NDFIP1: variants seen among roughly 807,000 people sequenced by gnomAD.
The protein encoded by NDFIP1 is NEDD4 family-interacting protein 1.
A neutral mutation model predicts 28.8 loss-of-function variants in NDFIP1; 7 were observed. The observed-to-expected ratio is 0.24, with a 90% CI of 0.14 to 0.46. NDFIP1 has a LOEUF of 0.46. Among genes scored for constraint, NDFIP1 ranks in the 20% least tolerant of loss-of-function variants. The pLI, the probability that NDFIP1 is intolerant of heterozygous loss-of-function variation, is 0.99. For missense variants in NDFIP1, 194 were observed against 269.1 expected (o/e 0.72, Z 1.95); for synonymous variants, 92 against 101.0 (o/e 0.91, Z 0.53).
At chr5:142,121,123 C>T (rs1475908812) in intron 1 of NDFIP1, among the ~76,000 whole-genome samples, 1 of 152,104 alleles carries the variant, frequency 6.6e-6, no homozygotes, top group Non-Finnish European at 1.5e-5. Flanking sequence ...TGGAATATTC[C>T]ATTCTTGGGA....
At chr5:142,124,632 T>G (rs551084639) in intron 1 of NDFIP1, among the ~76,000 whole-genome samples, 1 of 152,238 alleles carries the variant, frequency 6.6e-6, no homozygotes, top group African/African-American at 2.4e-5. Context: ...TGTTATTGTA[T>G]TGACTTTTTA....
chr5:142,142,948 TA>T (rs1206456857), intron 6 of NDFIP1: 1 of 104,782 alleles, frequency 9.5e-6, no homozygotes, highest in Non-Finnish European at 1.9e-5. Flanking sequence ...AAAATATATA[TA>T]TATATATATA....
chr5:142,140,528 T>C (rs1757316930), intron 5 of NDFIP1, 35 bp from the exon 6 acceptor site: 2 of 1,529,168 alleles, frequency 1.3e-6, no homozygotes, highest in Middle Eastern at 3.4e-4. Flanking sequence ...TTGTGTCTGT[T>C]AAGCTGCTAT....
intron 1 of NDFIP1, among the ~76,000 whole-genome samples, chr5:142,114,397 T>C (rs1757045537): frequency 6.6e-6 from 1 of 152,196 alleles, no homozygotes; most frequent in Admixed American, 6.5e-5. Flanking sequence ...TCTTTGTTCA[T>C]TTTTGAATTG....
At chr5:142,142,798 C>A (rs1292674854) in intron 6 of NDFIP1, among the ~76,000 whole-genome samples, 1 of 150,910 alleles carries the variant, frequency 6.6e-6, no homozygotes, top group Non-Finnish European at 1.5e-5. Flanking sequence ...TGTGGTTGCT[C>A]ATGCCTATGA....
At position 142,152,338 on chromosome 5, in the gene NDFIP1, G is replaced by C. The variant is rs1214500168; in HGVS notation, c.*610G>C. The C allele has an allele frequency of 6.6e-6, 1 of 152,274 alleles. No homozygotes were observed. Among genetic ancestry groups the C allele is most frequent in the African/African-American group, 2.4e-5 (1 of 41,410 alleles). 9.4% of individuals were successfully genotyped at this position (152,274 alleles called of 1,614,324 possible). On this transcript the variant is annotated 3_prime_UTR_variant, in exon 8 of 8. Coordinates refer to ENST00000253814, the MANE Select transcript of NDFIP1 (RefSeq NM_030571.4). ...AAATAATAAGCATTAATTTTTTATAGCCTGTATTCACAATTCTGCGGTACC... is the reference window on the plus strand; with the variant it reads ...AAATAATAAGCATTAATTTTTTATACCCTGTATTCACAATTCTGCGGTACC...
chr5:142,123,034 C>A (rs1757136068), intron 1 of NDFIP1, among the ~76,000 whole-genome samples: 1 of 152,148 alleles, frequency 6.6e-6, no homozygotes, highest in South Asian at 2.1e-4. Flanking sequence ...GTAATCTCGG[C>A]TCACTGCAAC....
At position 142,131,894 on chromosome 5, in the gene NDFIP1, A is replaced by G; in HGVS notation, c.150A>G (p.Ala50=). ...PPYSSISAES[A]AYFDYKDESG... ...ACAGCAGCATTTCTGCAGAGAGCGCAGGTAGGTAACAGGGCAAGGTGATCA... is the reference window on the plus strand; with the variant it reads ...ACAGCAGCATTTCTGCAGAGAGCGCGGGTAGGTAACAGGGCAAGGTGATCA... The change falls in exon 2 of 8, where the codon GCA becomes GCG. Residue 50 remains alanine (A), a splice_region_variant and synonymous_variant. Coordinates refer to ENST00000253814, the MANE Select transcript of NDFIP1 (RefSeq NM_030571.4). 1 of 1,594,236 alleles carries G rather than the reference A, an allele frequency of 6.3e-7. No individual in the cohort carries two copies. Among genetic ancestry groups the G allele is most frequent in the Non-Finnish European group, 8.5e-7 (1 of 1,174,230 alleles).
intron 1 of NDFIP1, among the ~76,000 whole-genome samples, chr5:142,127,757 ACCAACCTGG>A (rs1757185264): frequency 6.6e-6 from 1 of 152,100 alleles, no homozygotes; most frequent in South Asian, 2.1e-4. Flanking sequence ...GGAGTTTGGT[ACCAACCTGG>A]CCAACATGGC....
intron 1 of NDFIP1, among the ~76,000 whole-genome samples, 200 bp downstream of exon 1, chr5:142,109,237 G>C (rs1756985988): frequency 6.6e-6 from 1 of 152,146 alleles, no homozygotes; most frequent in Admixed American, 6.5e-5. Context: ...TGCGACCCCA[G>C]GTGGGACTCC....
chr5:142,147,721 TA>T (rs1561605742), intron 7 of NDFIP1, among the ~76,000 whole-genome samples: 1 of 152,240 alleles, frequency 6.6e-6, no homozygotes, highest in African/African-American at 2.4e-5. Context: ...AACTGTCATG[TA>T]CAGTGATTCT....
chr5:142,117,195 A>G (rs1291639553), intron 1 of NDFIP1, among the ~76,000 whole-genome samples: 1 of 151,910 alleles, frequency 6.6e-6, no homozygotes, highest in Non-Finnish European at 1.5e-5. Flanking sequence ...ATAGAGATAT[A>G]AGGGTTTAGG....
intron 1 of NDFIP1, among the ~76,000 whole-genome samples, chr5:142,109,750 G>T (rs910666217): frequency 5.3e-5 from 8 of 152,290 alleles, no homozygotes; most frequent in East Asian, 1.9e-4. Flanking sequence ...GAAATGATTG[G>T]ATCATTTTCT....
In NDFIP1 at chr5:142,153,732, A is replaced by G. The variant is rs1362651115; in HGVS notation, c.*2004A>G. 2.1e-5 allele frequency: 4 copies of G among 188,518 alleles called. No homozygotes were observed. The highest frequency in any genetic ancestry group is 9.4e-5 in the African/African-American group (4 of 42,510). The allele number at this position is 188,518 out of a possible 1,614,324, so 11.7% of individuals were successfully genotyped here. On this transcript the variant is annotated 3_prime_UTR_variant, in exon 8 of 8. Coordinates refer to ENST00000253814, the MANE Select transcript of NDFIP1 (RefSeq NM_030571.4). ...ACAATCTGAATAGATGTGGACACAT[A>G]TAGCAGAGAGAACTATGTAAATTAT...
chr5:142,117,487 C>T lies in NDFIP1; in HGVS notation c.63+8450C>T, dbSNP rs532122051. ...CGATCTCTTGACCTCGTGATCCACC[C>T]GCCTCCATCTCCCAAAGTGCTGGGA... On this transcript the variant is annotated intron_variant, in intron 1 of 7. Transcript: ENST00000253814. Among the ~76,000 whole-genome samples, 12 of 152,104 alleles carry T rather than the reference C, an allele frequency of 7.9e-5. No homozygotes were observed. In the East Asian group the frequency reaches 2.1e-3, roughly 27 times the overall value.
chr5:142,117,847 C>T (rs1757085536), intron 1 of NDFIP1, among the ~76,000 whole-genome samples: 1 of 150,332 alleles, frequency 6.7e-6, no homozygotes, highest in Admixed American at 6.7e-5. Flanking sequence ...CTTTCCTTGG[C>T]TTTAAATGTT....
intron 5 of NDFIP1, chr5:142,138,117 A>G (rs928979468): frequency 1.3e-5 from 4 of 299,534 alleles, no homozygotes; most frequent in Non-Finnish European, 2.5e-5. Flanking sequence ...TTTAATGTTT[A>G]TAATATGATA....
rs750396969 is a variant in NDFIP1, at chr5:142,131,831, A to G, written c.87A>G (p.Gly29=). Residue 29 remains glycine, a synonymous_variant, in exon 2 of 8, where the codon GGA becomes GGG. Coordinates refer to ENST00000253814, the MANE Select transcript of NDFIP1 (RefSeq NM_030571.4). ...YQQLQNEEES[G]EPEQAAGDAP... ...AGTTGCAGAATGAAGAAGAGTCTGG[A>G]GAACCTGAACAGGCTGCAGGTGATG... is the stretch of plus-strand genomic sequence containing the variant. 2.5e-6 allele frequency: 4 copies of G among 1,593,758 alleles called. No homozygotes were observed.
At chr5:142,129,880 C>T (rs1757208501) in intron 1 of NDFIP1, among the ~76,000 whole-genome samples, 1 of 141,740 alleles carries the variant, frequency 7.1e-6, no homozygotes, top group African/African-American at 2.7e-5. Flanking sequence ...CATTGCTCTC[C>T]AGCCTGGGCA....
Sources: gnomAD v4.1 joint callset for allele counts (sites outside exome capture counted in the v4.1 genomes callset) on GRCh38, gnomAD v4.1.1 for gene constraint, MANE v1.5 for transcripts, NCBI Gene and HGNC (gene_info 2026-07-23, HGNC 2026-07-21) for gene names.